The following ANKS1B variants were observed in gnomAD, a reference collection of about 807,000 sequenced individuals.
ANKS1B encodes the protein ankyrin repeat and sterile alpha motif domain-containing protein 1B.
A neutral mutation model predicts 148.3 loss-of-function variants in ANKS1B; 36 were observed. That is an observed-to-expected ratio of 0.24 (90% confidence interval 0.19 to 0.32). The LOEUF is 0.32. Among genes scored for constraint, ANKS1B ranks in the 10% least tolerant of loss-of-function variants. The pLI is 1.00. For synonymous variants in ANKS1B, 542 were observed against 560.8 expected, an observed-to-expected ratio of 0.97 and a Z score of 0.47; for missense variants, 1,157 against 1,542.6, an observed-to-expected ratio of 0.75 and a Z score of 4.19.
At chr12:99,406,655 GA>G (rs1567040784) in intron 11 of ANKS1B, among the ~76,000 whole-genome samples, 1 of 145,296 alleles carries the variant, frequency 6.9e-6, no homozygotes, top group Non-Finnish European at 1.5e-5. Context: ...TAGAAGAAAA[GA>G]AATAATAAAG....
intron 9 of ANKS1B, among the ~76,000 whole-genome samples, chr12:99,545,779 A>ATT (rs1434922457): frequency 9.0e-6 from 1 of 111,330 alleles, no homozygotes; most frequent in Non-Finnish European, 1.9e-5. Flanking sequence ...ACATATATAA[A>ATT]TTATATATAT....
chr12:98,974,087 T>A (rs73384613), intron 17 of ANKS1B, among the ~76,000 whole-genome samples: 3,695 of 152,228 alleles, frequency 0.024, 120 homozygotes, highest in African/African-American at 0.078. Context: ...GTTATGTAGT[T>A]CAATCTTTTG....
At chr12:99,763,318 G>T (rs572999388) in intron 8 of ANKS1B, among the ~76,000 whole-genome samples, 1 of 152,260 alleles carries the variant, frequency 6.6e-6, no homozygotes, top group African/African-American at 2.4e-5. Context: ...CCATAAAAAA[G>T]AATAAAACTG....
intron 8 of ANKS1B, among the ~76,000 whole-genome samples, chr12:99,759,408 T>C (rs1486350532): frequency 6.6e-6 from 1 of 151,984 alleles, no homozygotes; most frequent in South Asian, 2.1e-4. Context: ...TCCAATATTC[T>C]TTAGTTGTGG....
At chr12:99,312,027 T>A (rs148270150) in intron 12 of ANKS1B, among the ~76,000 whole-genome samples, 1 of 152,124 alleles carries the variant, frequency 6.6e-6, no homozygotes, top group Non-Finnish European at 1.5e-5. Context: ...TCGAAGCATT[T>A]GGAGAAATTT....
intron 18 of ANKS1B, among the ~76,000 whole-genome samples, chr12:98,830,426 C>G (rs1470506257): frequency 6.6e-6 from 1 of 151,524 alleles, no homozygotes; most frequent in East Asian, 1.9e-4. Context: ...CCACTCCAGT[C>G]TCTCTCAGGA....
At chr12:98,979,453 AG>A (rs2153226912) in intron 17 of ANKS1B, among the ~76,000 whole-genome samples, 1 of 151,360 alleles carries the variant, frequency 6.6e-6, no homozygotes, top group African/African-American at 2.4e-5. Flanking sequence ...TTGTATTTTT[AG>A]TAGAGACGGG....
intron 8 of ANKS1B, among the ~76,000 whole-genome samples, chr12:99,687,675 G>A (rs953474794): frequency 1.3e-5 from 2 of 152,052 alleles, no homozygotes; most frequent in Non-Finnish European, 2.9e-5. Flanking sequence ...TTCCACTTGA[G>A]TCATTTTTTT....
At chr12:98,822,215 T>G (rs899097925) in intron 19 of ANKS1B, among the ~76,000 whole-genome samples, 1 of 152,136 alleles carries the variant, frequency 6.6e-6, no homozygotes, top group African/African-American at 2.4e-5. Context: ...CGCACAGAAT[T>G]AACCAAGACA....
At chr12:99,600,945 A>G (rs1192313351) in intron 9 of ANKS1B, among the ~76,000 whole-genome samples, 1 of 152,044 alleles carries the variant, frequency 6.6e-6, no homozygotes, top group Non-Finnish European at 1.5e-5. Flanking sequence ...TATTCTACCC[A>G]GAAAGTCTTC....
At chr12:99,039,467 C>G (rs1453491561) in intron 17 of ANKS1B, among the ~76,000 whole-genome samples, 1 of 152,226 alleles carries the variant, frequency 6.6e-6, no homozygotes, top group African/African-American at 2.4e-5. Flanking sequence ...GAAGTCAGGT[C>G]TTCAAGGAGT....
intron 12 of ANKS1B, among the ~76,000 whole-genome samples, chr12:99,377,998 G>T (rs2093461809): frequency 6.6e-6 from 1 of 152,114 alleles, no homozygotes; most frequent in African/African-American, 2.4e-5. Context: ...TTTCCAGATG[G>T]CAAACAATTC....
At chr12:99,948,845 A>G (rs1019162277) in intron 1 of ANKS1B, among the ~76,000 whole-genome samples, 4 of 152,210 alleles carry the variant, frequency 2.6e-5, no homozygotes, top group Non-Finnish European at 5.9e-5. Flanking sequence ...AGCACTGTAA[A>G]TATGTCATTC....
At chr12:98,902,751 C>G (rs532152645) in intron 17 of ANKS1B, among the ~76,000 whole-genome samples, 2 of 152,326 alleles carry the variant, frequency 1.3e-5, no homozygotes, top group South Asian at 2.1e-4. Context: ...TAAGTACACT[C>G]ATATAAAAAT....
chr12:99,103,545 T>C (rs1263946373), intron 15 of ANKS1B, among the ~76,000 whole-genome samples: 1 of 152,258 alleles, frequency 6.6e-6, no homozygotes, highest in Non-Finnish European at 1.5e-5. Context: ...TTACTTGATG[T>C]CTTTTATGTT....
chr12:99,813,498 T>C (rs553858684), intron 2 of ANKS1B, among the ~76,000 whole-genome samples: 145 of 151,552 alleles, frequency 9.6e-4, no homozygotes, highest in Middle Eastern at 3.4e-3. Context: ...AATCAGACTC[T>C]AGATGCAAGT....
At chr12:98,976,901 G>A (rs912612981) in intron 17 of ANKS1B, among the ~76,000 whole-genome samples, 3 of 152,166 alleles carry the variant, frequency 2.0e-5, no homozygotes, top group Non-Finnish European at 4.4e-5. Context: ...GTTTTGCCTT[G>A]AAGTAATTAG....
intron 4 of ANKS1B, among the ~76,000 whole-genome samples, chr12:99,797,968 G>C (rs1165186681): frequency 6.6e-6 from 1 of 151,784 alleles, no homozygotes; most frequent in African/African-American, 2.4e-5. Context: ...GCATTTAAAG[G>C]GATGTTTGTT....
chr12:99,261,942 C>T (rs1267090780), intron 12 of ANKS1B, among the ~76,000 whole-genome samples: 1 of 152,078 alleles, frequency 6.6e-6, no homozygotes, highest in Non-Finnish European at 1.5e-5. Flanking sequence ...ATAACATAAG[C>T]TCCTACTACA....
Sources: allele counts gnomAD v4.1 joint callset (sites outside exome capture counted in the v4.1 genomes callset), GRCh38; gene constraint gnomAD v4.1.1; transcripts MANE v1.5; gene names NCBI Gene and HGNC (gene_info 2026-07-23, HGNC 2026-07-21).